Variants in RPS6KC1 observed in about 807,000 individuals in gnomAD.
RPS6KC1 encodes the protein ribosomal protein S6 kinase C1, also known as inactive ribosomal protein S6 kinase delta-1.
Under a neutral mutation model 103.8 loss-of-function variants are expected in RPS6KC1, and 54 were observed. That is an observed-to-expected ratio of 0.52 (90% CI 0.42 to 0.65). The LOEUF (loss-of-function observed/expected upper bound fraction) is 0.65. Ranked by LOEUF, RPS6KC1 falls within the 30% of genes least tolerant of loss-of-function variation. RPS6KC1 has a pLI of 0.00. For missense variants in RPS6KC1, 1,151 were observed against 1,253.8 expected (o/e 0.92, Z 1.24); for synonymous variants, 439 against 438.7 (o/e 1.00, Z -0.01).
the RPS6KC1 span, among the ~76,000 whole-genome samples, chr1:213,413,006 G>C: frequency 6.6e-6 from 1 of 152,158 alleles, no homozygotes; most frequent in Non-Finnish European, 1.5e-5. Flanking sequence ...GATCCTTGAG[G>C]ATCTTAAACA....
the RPS6KC1 span, among the ~76,000 whole-genome samples, chr1:213,363,668 T>C: frequency 3.0e-5 from 3 of 100,586 alleles, no homozygotes; most frequent in South Asian, 5.8e-4. Context: ...CTTTCTTTCT[T>C]TCTTTCTTTC....
the RPS6KC1 span, chr1:213,821,874 T>C: frequency 1.3e-5 from 2 of 152,164 alleles, no homozygotes; most frequent in Non-Finnish European, 2.9e-5. Context: ...AAGACAGGAG[T>C]TGGCAGAAAT....
At chr1:213,792,036 C>T in the RPS6KC1 span, among the ~76,000 whole-genome samples, 2 of 152,186 alleles carry the variant, frequency 1.3e-5, no homozygotes, top group South Asian at 4.1e-4. Context: ...GTTGAGAGAT[C>T]ACAGGCAAGA....
the RPS6KC1 span, among the ~76,000 whole-genome samples, chr1:213,556,433 C>G: frequency 6.6e-6 from 1 of 152,198 alleles, no homozygotes; most frequent in African/African-American, 2.4e-5. Flanking sequence ...TTTGCACAAA[C>G]TATCACATAC....
At chr1:213,786,808 A>C in the RPS6KC1 span, among the ~76,000 whole-genome samples, 1 of 152,154 alleles carries the variant, frequency 6.6e-6, no homozygotes, top group African/African-American at 2.4e-5. Flanking sequence ...ATCTCCCCAA[A>C]TCTTCTTCCT....
the RPS6KC1 span, among the ~76,000 whole-genome samples, chr1:213,691,652 T>C: frequency 2.0e-5 from 3 of 152,188 alleles, no homozygotes; most frequent in Non-Finnish European, 4.4e-5. Flanking sequence ...AATTATTCTA[T>C]GTTATAATGA....
chr1:213,083,706 A>G (rs934215278), intron 3 of RPS6KC1, among the ~76,000 whole-genome samples: 2 of 152,034 alleles, frequency 1.3e-5, no homozygotes, highest in Non-Finnish European at 1.5e-5. Flanking sequence ...TTTGAGGCCA[A>G]AGAGAGGTCT....
chr1:213,313,379 T>C, the RPS6KC1 span, among the ~76,000 whole-genome samples: 2 of 151,852 alleles, frequency 1.3e-5, no homozygotes, highest in East Asian at 3.9e-4. Context: ...TACAGAAGAA[T>C]TGTGTATCCA....
the RPS6KC1 span, among the ~76,000 whole-genome samples, chr1:213,347,054 G>A: frequency 6.6e-6 from 1 of 152,038 alleles, no homozygotes; most frequent in Non-Finnish European, 1.5e-5. Context: ...GGCTTCCATC[G>A]CCAAAACCCC....
chr1:213,730,472 T>A, the RPS6KC1 span, among the ~76,000 whole-genome samples: 2 of 152,208 alleles, frequency 1.3e-5, no homozygotes, highest in African/African-American at 4.8e-5. Flanking sequence ...TTCTGACTGG[T>A]GTGAGATGGT....
the RPS6KC1 span, among the ~76,000 whole-genome samples, chr1:213,287,206 G>A: frequency 6.6e-6 from 1 of 151,504 alleles, no homozygotes; most frequent in Non-Finnish European, 1.5e-5. Flanking sequence ...TGGGGCACGT[G>A]AAGGAACTTC....
chr1:213,278,373 G>A (rs2095116296), downstream of RPS6KC1, among the ~76,000 whole-genome samples: 2 of 151,942 alleles, frequency 1.3e-5, no homozygotes, highest in South Asian at 2.1e-4. Flanking sequence ...TTATTATGTG[G>A]GATATACATA....
chr1:213,103,663 G>C (rs2148770541), intron 3 of RPS6KC1, among the ~76,000 whole-genome samples: 1 of 152,184 alleles, frequency 6.6e-6, no homozygotes. Flanking sequence ...TTAATACTCT[G>C]CAAAGGCACT....
chr1:213,190,694 G>A (rs910208427), intron 8 of RPS6KC1, among the ~76,000 whole-genome samples: 29 of 152,200 alleles, frequency 1.9e-4, no homozygotes, highest in East Asian at 7.7e-4. Context: ...GGTTGCCTGC[G>A]CTTGTAGCGT....
At chr1:213,242,884 A>G in intron 12 of RPS6KC1, among the ~76,000 whole-genome samples, 1 of 152,178 alleles carries the variant, frequency 6.6e-6, no homozygotes, top group East Asian at 1.9e-4. Flanking sequence ...ATTATTGTTA[A>G]ATGAGTTTAA....
chr1:213,407,249 CAG>C, the RPS6KC1 span, among the ~76,000 whole-genome samples: 7 of 149,456 alleles, frequency 4.7e-5, no homozygotes, highest in African/African-American at 7.3e-5. Flanking sequence ...CACACACACG[CAG>C]AGAGAGAGAG....
chr1:213,615,406 A>G, the RPS6KC1 span, among the ~76,000 whole-genome samples: 4 of 152,234 alleles, frequency 2.6e-5, no homozygotes, highest in East Asian at 1.9e-4. Context: ...AGTGCCTGCA[A>G]TCTGCTACCT....
At chr1:213,237,324 C>G (rs2094244324) in intron 10 of RPS6KC1, among the ~76,000 whole-genome samples, 1 of 152,004 alleles carries the variant, frequency 6.6e-6, no homozygotes, top group East Asian at 1.9e-4. Context: ...ATTTCCTCAT[C>G]TGTAAAATAG....
chr1:213,628,164 C>T, the RPS6KC1 span, among the ~76,000 whole-genome samples: 131 of 152,198 alleles, frequency 8.6e-4, no homozygotes, highest in Non-Finnish European at 1.3e-3. Flanking sequence ...GTGTATGTGT[C>T]GAGGAATTTA....
Sources: gnomAD v4.1 joint callset for allele counts (sites outside exome capture counted in the v4.1 genomes callset) on GRCh38, gnomAD v4.1.1 for gene constraint, MANE v1.5 for transcripts, NCBI Gene and HGNC (gene_info 2026-07-23, HGNC 2026-07-21) for gene names.